Variants in ADAMTSL1 observed in about 807,000 individuals in gnomAD.
ADAMTSL1 encodes ADAMTS like 1, also known as ADAMTS-like protein 1.
A neutral mutation model predicts 201.8 loss-of-function variants in ADAMTSL1; 126 were observed. The observed-to-expected ratio is 0.62, with a 90% CI of 0.54 to 0.72. The LOEUF (loss-of-function observed/expected upper bound fraction) is 0.72. Among genes scored for constraint, ADAMTSL1 ranks in the 30% least tolerant of loss-of-function variants. ADAMTSL1 has a pLI of 0.00. For synonymous variants in ADAMTSL1, 1,121 were observed against 903.4 expected, an observed-to-expected ratio of 1.24 and a Z score of -4.32; for missense variants, 2,679 against 2,277.8, an observed-to-expected ratio of 1.18 and a Z score of -3.59.
intron 1 of ADAMTSL1, among the ~76,000 whole-genome samples, chr9:18,058,528 A>AT (rs576575921): frequency 1.4e-3 from 208 of 150,328 alleles, no homozygotes; most frequent in African/African-American, 4.2e-3. Flanking sequence ...TTGTGAGCAT[A>AT]TTTTTTTTTT....
intron 1 of ADAMTSL1, among the ~76,000 whole-genome samples, chr9:17,927,863 T>G (rs1224024680): frequency 6.6e-6 from 1 of 152,148 alleles, no homozygotes; most frequent in African/African-American, 2.4e-5. Context: ...ATACTACATT[T>G]TATTTACTCA....
rs903980416 is a variant in ADAMTSL1, at chr9:18,770,694, C to T, written c.2310C>T (p.Thr770=). The T allele has an allele frequency of 1.2e-6, 2 of 1,613,772 alleles. No homozygotes were observed. The highest frequency in any genetic ancestry group is 1.7e-5 in the Admixed American group (1 of 59,980). Residue 770 remains threonine, a synonymous_variant, in exon 17 of 29, where the codon ACC becomes ACT. Transcript: ENST00000380548. ...GCAGCTTCCTGGAGCTTCCTGAGAC[C>T]TTCTGTTCAGCTTCAAAACCTGCCT... The part of the protein sequence containing the change: ...ADGSFLELPE[T]FCSASKPACQ...
chr9:17,980,465 T>G (rs989300618), intron 1 of ADAMTSL1, among the ~76,000 whole-genome samples: 8 of 152,192 alleles, frequency 5.3e-5, no homozygotes, highest in African/African-American at 1.9e-4. Flanking sequence ...TAATTTTGAT[T>G]ACTAGCTATA....
At chr9:18,319,991 G>A (rs778053241) in intron 2 of ADAMTSL1, among the ~76,000 whole-genome samples, 22 of 152,188 alleles carry the variant, frequency 1.4e-4, no homozygotes, top group Non-Finnish European at 3.1e-4. Context: ...TAGCTTTGAA[G>A]GTAGAGGATG....
chr9:18,721,932 G>C (rs189036261), intron 15 of ADAMTSL1, among the ~76,000 whole-genome samples: 2 of 152,280 alleles, frequency 1.3e-5, no homozygotes, highest in East Asian at 3.9e-4. Flanking sequence ...GTGCCACGCA[G>C]TTGCTTTCCC....
At chr9:18,177,832 G>C (rs553609269) in intron 2 of ADAMTSL1, among the ~76,000 whole-genome samples, 6 of 152,160 alleles carry the variant, frequency 3.9e-5, no homozygotes, top group African/African-American at 1.4e-4. Flanking sequence ...GCTAGCTTAA[G>C]GAAGAAGGGA....
intron 27 of ADAMTSL1, 92 bp from the exon 28 acceptor site, chr9:18,906,600 T>G (rs1830323204): frequency 1.8e-6 from 2 of 1,083,708 alleles, no homozygotes; most frequent in Non-Finnish European, 2.6e-6. Flanking sequence ...AGGAACCACC[T>G]AACATTTCTG....
chr9:18,347,236 C>CA (rs1200616938), intron 2 of ADAMTSL1, among the ~76,000 whole-genome samples: 4 of 151,832 alleles, frequency 2.6e-5, no homozygotes, highest in Admixed American at 6.6e-5. Context: ...TTCTTAGAGA[C>CA]AAAAAAATAT....
chr9:18,790,184 A>G (rs111752858), intron 19 of ADAMTSL1, among the ~76,000 whole-genome samples: 125 of 152,330 alleles, frequency 8.2e-4, no homozygotes, highest in African/African-American at 2.8e-3. Context: ...ATACTCTTCT[A>G]TGAGATCTTC....
intron 2 of ADAMTSL1, among the ~76,000 whole-genome samples, chr9:18,300,799 A>G (rs1452570972): frequency 6.6e-6 from 1 of 152,200 alleles, no homozygotes; most frequent in Non-Finnish European, 1.5e-5. Flanking sequence ...TAGCAAACCT[A>G]CAGTACCCAG....
intron 4 of ADAMTSL1, among the ~76,000 whole-genome samples, chr9:18,587,079 A>G (rs538517146): frequency 7.2e-5 from 11 of 152,362 alleles, no homozygotes; most frequent in African/African-American, 2.6e-4. Flanking sequence ...GCAATTCAAC[A>G]AAAGCAAACA....
intron 4 of ADAMTSL1, among the ~76,000 whole-genome samples, chr9:18,593,098 A>C (rs773510626): frequency 1.2e-4 from 18 of 152,142 alleles, no homozygotes; most frequent in Non-Finnish European, 2.4e-4. Flanking sequence ...TTTGTTTAAC[A>C]GTTCTAATAG....
At chr9:18,644,378 T>A (rs534979611) in intron 7 of ADAMTSL1, among the ~76,000 whole-genome samples, 79 of 142,536 alleles carry the variant, frequency 5.5e-4, no homozygotes, top group African/African-American at 2.0e-3. Flanking sequence ...TTATTTTTTT[T>A]ATTTTTATTT....
At chr9:18,443,515 C>T (rs1005534582) in intron 2 of ADAMTSL1, among the ~76,000 whole-genome samples, 12 of 152,094 alleles carry the variant, frequency 7.9e-5, no homozygotes, top group Admixed American at 3.9e-4. Context: ...CTTTAGTAAG[C>T]CATGGGAGTT....
chr9:18,498,381 G>A (rs572789165), intron 1 of ADAMTSL1, among the ~76,000 whole-genome samples: 41 of 143,750 alleles, frequency 2.9e-4, no homozygotes, highest in African/African-American at 1.0e-3. Context: ...TTGTTGCCCA[G>A]GCTGGAGTGC....
intron 16 of ADAMTSL1, 80 bp from the exon 17 acceptor site, chr9:18,770,522 A>G: frequency 7.2e-7 from 1 of 1,390,770 alleles, no homozygotes; most frequent in South Asian, 1.5e-5. Flanking sequence ...TTACTCTGCC[A>G]AATTAAGATA....
intron 13 of ADAMTSL1, among the ~76,000 whole-genome samples, chr9:18,695,794 A>G (rs1165743873): frequency 3.3e-5 from 5 of 152,232 alleles, no homozygotes; most frequent in Admixed American, 1.3e-4. Context: ...CTTTATAGCA[A>G]TGCCCCACTT....
chr9:18,524,557 G>T (rs1365660473), intron 2 of ADAMTSL1, among the ~76,000 whole-genome samples: 1 of 152,154 alleles, frequency 6.6e-6, no homozygotes, highest in Non-Finnish European at 1.5e-5. Context: ...TGCCCATTCA[G>T]TATGATATTG....
chr9:18,366,178 A>G (rs1208331448), intron 2 of ADAMTSL1, among the ~76,000 whole-genome samples: 1 of 152,112 alleles, frequency 6.6e-6, no homozygotes. Context: ...CGAAACATAA[A>G]CAAGGCAGTT....
Sources: allele counts gnomAD v4.1 joint callset (sites outside exome capture counted in the v4.1 genomes callset), GRCh38; gene constraint gnomAD v4.1.1; transcripts MANE v1.5; gene names NCBI Gene and HGNC (gene_info 2026-07-23, HGNC 2026-07-21).